SLC1A1: variants seen among roughly 807,000 people sequenced by gnomAD.
SLC1A1 encodes the protein solute carrier family 1 member 1, also known as excitatory amino acid transporter 3.
Under a neutral mutation model 53.3 loss-of-function variants are expected in SLC1A1, and 43 were observed. The observed-to-expected ratio is 0.81, with a 90% confidence interval of 0.63 to 1.04. SLC1A1 has a LOEUF of 1.04. Ranked by LOEUF, SLC1A1 falls within the 50% of genes least tolerant of loss-of-function variation. The probability of loss-of-function intolerance (pLI) is 0.00; values close to 1 mark genes in which losing one functional copy is unlikely to be tolerated. For synonymous variants in SLC1A1, 307 were observed against 243.2 expected (o/e 1.26, Z -2.44); for missense variants, 748 against 664.9 (o/e 1.12, Z -1.37).
intron 1 of SLC1A1, among the ~76,000 whole-genome samples, chr9:4,525,864 T>G (rs1816240289): frequency 6.6e-6 from 1 of 152,134 alleles, no homozygotes; most frequent in Non-Finnish European, 1.5e-5. Flanking sequence ...ACTCATATTT[T>G]TTCAAAGAAT....
intron 1 of SLC1A1, among the ~76,000 whole-genome samples, chr9:4,521,730 A>G (rs1273113856): frequency 6.6e-6 from 1 of 152,118 alleles, no homozygotes; most frequent in African/African-American, 2.4e-5. Context: ...TGTATACTTT[A>G]TGGAAGGCCT....
chr9:4,533,655 C>T (rs1403102239), intron 1 of SLC1A1, among the ~76,000 whole-genome samples: 13 of 152,164 alleles, frequency 8.5e-5, no homozygotes, highest in African/African-American at 2.2e-4. Flanking sequence ...GACAGATCAA[C>T]GAGACAGAAA....
intron 10 of SLC1A1, among the ~76,000 whole-genome samples, chr9:4,578,170 A>G (rs1334282931): frequency 6.6e-6 from 1 of 152,264 alleles, no homozygotes; most frequent in African/African-American, 2.4e-5. Context: ...AGATACAGAC[A>G]TCAGGAACAT....
In SLC1A1 at chr9:4,572,273, T is replaced by C. The variant is rs368956318; in HGVS notation, c.652T>C (p.Phe218Leu). The change falls in exon 7 of 12, where the codon TTT (phenylalanine) becomes CTT (leucine). Residue 218 changes from phenylalanine (F) to leucine (L), a missense_variant. Coordinates refer to ENST00000262352, the MANE Select transcript of SLC1A1 (RefSeq NM_004170.6). ...CATAAACGTCCTGGGCTTGATTGTC[T>C]TTTGCCTTGTCTTTGGACTTGTCAT... Reference protein sequence around the residue: ...DGINVLGLIVFCLVFGLVIGK... With the variant: ...DGINVLGLIVLCLVFGLVIGK... 3 of 1,614,030 alleles carry C rather than the reference T, an allele frequency of 1.9e-6. No homozygotes were observed. The African/African-American group carries it at 4.0e-5, about 22-fold the overall frequency.
intron 1 of SLC1A1, among the ~76,000 whole-genome samples, chr9:4,536,449 T>A (rs1348701046): frequency 6.6e-6 from 1 of 152,110 alleles, no homozygotes; most frequent in Non-Finnish European, 1.5e-5. Context: ...AAAATGCTGA[T>A]CATCACTGGT....
chr9:4,534,904 T>C (rs1326624532), intron 1 of SLC1A1, among the ~76,000 whole-genome samples: 1 of 152,062 alleles, frequency 6.6e-6, no homozygotes, highest in Non-Finnish European at 1.5e-5. Context: ...TGGTTCAACA[T>C]ATGCAAATCA....
rs148542208 is a variant in SLC1A1 at position 4,571,119 on chromosome 9, A to C, written c.583-1085A>C. ...AGCTAGAGGCCATTATCCTTAGCCA[A>C]CTAACACAGGAACAGAAAACCAAAT... On this transcript the variant is annotated intron_variant, in intron 6 of 11. Transcript: ENST00000262352. Among the ~76,000 whole-genome samples the C allele has an allele frequency of 5.0e-3, 757 of 152,292 alleles. 5 individuals carry two copies. Among genetic ancestry groups the C allele is most frequent in the African/African-American group, 0.017 (704 of 41,544 alleles).
At chr9:4,566,441 T>A (rs1819494791) in intron 5 of SLC1A1, among the ~76,000 whole-genome samples, 1 of 152,228 alleles carries the variant, frequency 6.6e-6, no homozygotes, top group East Asian at 1.9e-4. Context: ...AAGTTTAAAC[T>A]TTCTGCAGAA....
intron 2 of SLC1A1, among the ~76,000 whole-genome samples, chr9:4,555,230 C>T (rs1818264719): frequency 6.6e-6 from 1 of 152,218 alleles, no homozygotes; most frequent in South Asian, 2.1e-4. Context: ...TCCTATGCAA[C>T]AATGAGTTTC....
chr9:4,576,122 A>G lies in SLC1A1; in HGVS notation c.997A>G (p.Ser333Gly). ...ALLTALMISS[S>G]SATLPVTFRC... is the part of the protein sequence containing the mutation. ...CCTGACAGCTCTCATGATCTCTTCC[A>G]GGTAAACAGAAGAGGGGTTTCTGGA... Residue 333 changes from serine to glycine, a missense_variant and splice_region_variant, in exon 9 of 12, where the codon AGT becomes GGT. Ser to Gly is a moderately conservative substitution (Grantham distance 56, BLOSUM62 0). Transcript: ENST00000262352. 6.2e-7 allele frequency: 1 copy of G among 1,613,678 alleles called. No individual in the cohort carries two copies. Among genetic ancestry groups the G allele is most frequent in the Non-Finnish European group, 8.5e-7 (1 of 1,179,560 alleles).
At chr9:4,542,714 T>G (rs907139148) in intron 1 of SLC1A1, among the ~76,000 whole-genome samples, 5 of 152,216 alleles carry the variant, frequency 3.3e-5, no homozygotes, top group African/African-American at 9.6e-5. Context: ...ATAGAACAGC[T>G]GAACACAGGC....
intron 1 of SLC1A1, among the ~76,000 whole-genome samples, chr9:4,527,141 C>T (rs1816291590): frequency 6.6e-6 from 1 of 152,104 alleles, no homozygotes; most frequent in Non-Finnish European, 1.5e-5. Context: ...CCGAGAGGAG[C>T]CCCTGTTGAC....
intron 1 of SLC1A1, among the ~76,000 whole-genome samples, chr9:4,492,479 CAAAAAAA>C (rs34199207): frequency 1.0e-5 from 1 of 96,358 alleles, no homozygotes; most frequent in Non-Finnish European, 2.1e-5. Flanking sequence ...AAGAATCCAC[CAAAAAAA>C]AAAAAAAAAA....
intron 5 of SLC1A1, among the ~76,000 whole-genome samples, chr9:4,566,894 T>G (rs945264367): frequency 6.6e-6 from 1 of 152,200 alleles, no homozygotes; most frequent in Non-Finnish European, 1.5e-5. Context: ...TTCACATAAG[T>G]TACATGAACA....
chr9:4,490,780 G>T lies in SLC1A1; in HGVS notation c.91+10G>T, dbSNP rs753091437. On this transcript the variant is annotated intron_variant, in intron 1 of 11. Coordinates refer to ENST00000262352, the MANE Select transcript of SLC1A1 (RefSeq NM_004170.6). Reference sequence around the variant, plus strand: ...GCCGCGGTGGTGCTAGGTGAGCGGCGCGGCGGGTGGGCGATGCGCGCACCC... The same window carrying T: ...GCCGCGGTGGTGCTAGGTGAGCGGCTCGGCGGGTGGGCGATGCGCGCACCC... The T allele has an allele frequency of 6.2e-7, 1 of 1,608,442 alleles. No homozygotes were observed. The highest frequency in any genetic ancestry group is 2.2e-5 in the East Asian group (1 of 44,726).
intron 1 of SLC1A1, among the ~76,000 whole-genome samples, chr9:4,502,190 C>G (rs986528987): frequency 6.6e-5 from 10 of 151,242 alleles, no homozygotes; most frequent in Admixed American, 1.3e-4. Context: ...AGTCCAAGAC[C>G]AGCCTGGGCA....
intron 6 of SLC1A1, among the ~76,000 whole-genome samples, chr9:4,569,193 A>C (rs897139851): frequency 6.6e-6 from 1 of 152,182 alleles, no homozygotes; most frequent in African/African-American, 2.4e-5. Context: ...CAGGCCCACA[A>C]TTCCTAGTCT....
chr9:4,544,346 T>G (rs140200648), intron 1 of SLC1A1, among the ~76,000 whole-genome samples: 99 of 152,358 alleles, frequency 6.5e-4, no homozygotes, highest in African/African-American at 2.1e-3. Flanking sequence ...AAAGCTTTCA[T>G]GTATAGAATA....
intron 2 of SLC1A1, among the ~76,000 whole-genome samples, chr9:4,557,396 C>A (rs1023115898): frequency 1.3e-5 from 2 of 152,174 alleles, no homozygotes; most frequent in Non-Finnish European, 2.9e-5. Flanking sequence ...TCGACATTGT[C>A]GAGCACCCAC....
Sources: gnomAD v4.1 joint callset for allele counts (sites outside exome capture counted in the v4.1 genomes callset) on GRCh38, gnomAD v4.1.1 for gene constraint, MANE v1.5 for transcripts, NCBI Gene and HGNC (gene_info 2026-07-23, HGNC 2026-07-21) for gene names.